NTRK2: variants seen among roughly 807,000 people sequenced by gnomAD.
The protein encoded by NTRK2 is BDNF/NT-3 growth factors receptor.
Under a neutral mutation model 94.5 loss-of-function variants are expected in NTRK2, and 13 were observed. The ratio of observed to expected loss-of-function variants is 0.14; its 90% confidence interval spans 0.09 to 0.22. The LOEUF (loss-of-function observed/expected upper bound fraction) is 0.22. Among genes scored for constraint, NTRK2 ranks in the 10% least tolerant of loss-of-function variants. The pLI is 1.00. For missense variants in NTRK2, 639 were observed against 1,071.2 expected, an observed-to-expected ratio of 0.60 and a Z score of 5.63; for synonymous variants, 372 against 407.4, an observed-to-expected ratio of 0.91 and a Z score of 1.05.
chr9:84,904,648 A>G (rs1386966739), intron 14 of NTRK2, among the ~76,000 whole-genome samples: 1 of 152,186 alleles, frequency 6.6e-6, no homozygotes, highest in Admixed American at 6.5e-5. Flanking sequence ...GGTGTATGGG[A>G]GGTATTTCTG....
chr9:84,670,428 C>T lies in NTRK2; in HGVS notation c.-321C>T. On this transcript the variant is annotated 5_prime_UTR_variant, in exon 2 of 19. Transcript: ENST00000277120. ...TCGCATCTAACAAGGAATCTGCGCCCCAGAGAGTCCCGGGAGCGCCGCCGG... is the reference window on the plus strand; with the variant it reads ...TCGCATCTAACAAGGAATCTGCGCCTCAGAGAGTCCCGGGAGCGCCGCCGG... 3 of 455,848 alleles carry T rather than the reference C, an allele frequency of 6.6e-6. No individual in the cohort carries two copies. The highest frequency in any genetic ancestry group is 1.2e-5 in the Non-Finnish European group (3 of 250,346). The allele number at this position is 455,848 out of a possible 1,614,324, so 28.2% of individuals were successfully genotyped here.
chr9:84,920,119 A>G (rs1264504849), intron 14 of NTRK2, among the ~76,000 whole-genome samples: 2 of 152,164 alleles, frequency 1.3e-5, no homozygotes. Flanking sequence ...TGGTTCTTGT[A>G]CAGCAAGGGT....
At chr9:84,880,428 C>T (rs566854797) in intron 14 of NTRK2, among the ~76,000 whole-genome samples, 16 of 152,334 alleles carry the variant, frequency 1.1e-4, no homozygotes, top group African/African-American at 3.1e-4. Context: ...ATCTTATGAG[C>T]ATCGCAGAGG....
At chr9:84,677,721 T>A (rs920043245) in intron 2 of NTRK2, among the ~76,000 whole-genome samples, 11 of 152,178 alleles carry the variant, frequency 7.2e-5, no homozygotes, top group Admixed American at 7.2e-4. Context: ...GCCAAGGCAA[T>A]TCTAGGAGAG....
At chr9:84,953,190 C>T (rs1453745806) in intron 16 of NTRK2, among the ~76,000 whole-genome samples, 1 of 152,186 alleles carries the variant, frequency 6.6e-6, no homozygotes, top group Non-Finnish European at 1.5e-5. Context: ...AAGGGCCCAC[C>T]CTCTAGTATC....
At chr9:84,931,319 A>G (rs1028581612) in intron 14 of NTRK2, among the ~76,000 whole-genome samples, 3 of 151,856 alleles carry the variant, frequency 2.0e-5, no homozygotes, top group African/African-American at 4.8e-5. Context: ...AGGCAGAAGA[A>G]TTGCTTGAAC....
At chr9:84,882,730 G>GCGCGCA (rs1458327865) in intron 14 of NTRK2, among the ~76,000 whole-genome samples, 11 of 151,596 alleles carry the variant, frequency 7.3e-5, no homozygotes, top group African/African-American at 2.7e-4. Flanking sequence ...GCGCGCGCGC[G>GCGCGCA]CGCATGTGTG....
intron 6 of NTRK2, among the ~76,000 whole-genome samples, chr9:84,722,229 C>A (rs535938172): frequency 2.1e-3 from 257 of 124,646 alleles, no homozygotes; most frequent in African/African-American, 7.9e-3. Context: ...TGGATGCTTA[C>A]GGGAAGGAAG....
chr9:84,844,349 G>A (rs1277918479), intron 12 of NTRK2, among the ~76,000 whole-genome samples: 1 of 152,072 alleles, frequency 6.6e-6, no homozygotes, highest in East Asian at 1.9e-4. Context: ...AAATTAATGG[G>A]CTTTATATTT....
chr9:84,692,192 AAT>A (rs1564063456), intron 2 of NTRK2, among the ~76,000 whole-genome samples: 1 of 152,116 alleles, frequency 6.6e-6, no homozygotes, highest in Non-Finnish European at 1.5e-5. Flanking sequence ...CCTAATGTAA[AAT>A]ATACAATTAT....
chr9:84,782,545 A>T (rs1384239893), intron 12 of NTRK2, among the ~76,000 whole-genome samples: 1 of 152,170 alleles, frequency 6.6e-6, no homozygotes, highest in African/African-American at 2.4e-5. Context: ...TTTGGAAATG[A>T]AAAAAACAAA....
intron 12 of NTRK2, among the ~76,000 whole-genome samples, chr9:84,794,671 C>T (rs1189797117): frequency 6.6e-6 from 1 of 152,128 alleles, no homozygotes; most frequent in Non-Finnish European, 1.5e-5. Flanking sequence ...TTTCCTCTGT[C>T]ACACACAGAG....
chr9:84,789,602 G>A (rs1052674310), intron 12 of NTRK2, among the ~76,000 whole-genome samples: 1 of 152,200 alleles, frequency 6.6e-6, no homozygotes, highest in Non-Finnish European at 1.5e-5. Flanking sequence ...CCATGGACTT[G>A]TTAAAATCAG....
intron 1 of NTRK2, 90 bp from the exon 2 acceptor site, chr9:84,670,287 T>G: frequency 7.7e-6 from 2 of 258,480 alleles, no homozygotes; most frequent in Non-Finnish European, 7.4e-6. Context: ...GGGGTCGGGG[T>G]GGGGATGACG....
At chr9:84,772,696 GA>G (rs1015948959) in intron 12 of NTRK2, among the ~76,000 whole-genome samples, 1 of 152,188 alleles carries the variant, frequency 6.6e-6, no homozygotes, top group African/African-American at 2.4e-5. Flanking sequence ...ATTGTCTACA[GA>G]AATCAGGGAA....
intron 12 of NTRK2, among the ~76,000 whole-genome samples, chr9:84,761,146 AAG>A (rs2065528877): frequency 6.6e-6 from 1 of 152,224 alleles, no homozygotes; most frequent in Admixed American, 6.5e-5. Flanking sequence ...CCTGAGGACA[AAG>A]AGAATGAGAG....
intron 2 of NTRK2, among the ~76,000 whole-genome samples, chr9:84,696,711 G>C (rs2131614791): frequency 6.6e-6 from 1 of 152,192 alleles, no homozygotes; most frequent in East Asian, 1.9e-4. Context: ...TGCAATAAAT[G>C]CTAAAACTGC....
chr9:84,951,046 G>C (rs967574267), intron 16 of NTRK2, among the ~76,000 whole-genome samples: 2 of 152,182 alleles, frequency 1.3e-5, no homozygotes, highest in Non-Finnish European at 2.9e-5. Flanking sequence ...CAATCACTGC[G>C]AGAACATACT....
chr9:84,817,251 C>T (rs2072488758), intron 12 of NTRK2, among the ~76,000 whole-genome samples: 1 of 152,186 alleles, frequency 6.6e-6, no homozygotes, highest in Non-Finnish European at 1.5e-5. Flanking sequence ...ATATCTTGGT[C>T]ATATGCAGAT....
Sources: gnomAD v4.1 joint callset for allele counts (sites outside exome capture counted in the v4.1 genomes callset) on GRCh38, gnomAD v4.1.1 for gene constraint, MANE v1.5 for transcripts, NCBI Gene and HGNC (gene_info 2026-07-23, HGNC 2026-07-21) for gene names.